PKD1: variants seen among roughly 807,000 people sequenced by gnomAD.
PKD1 encodes the protein polycystin 1, transient receptor potential channel interacting, also known as polycystin-1.
A neutral mutation model predicts 361.7 loss-of-function variants in PKD1; 81 were observed. The observed-to-expected ratio is 0.22, with a 90% confidence interval of 0.19 to 0.27. PKD1 has a LOEUF of 0.27. Ranked by LOEUF, PKD1 falls within the 10% of genes least tolerant of loss-of-function variation. PKD1 has a pLI of 1.00. For synonymous variants in PKD1, 3,615 were observed against 2,818.3 expected (o/e 1.28, Z -8.95); for missense variants, 6,399 against 6,118.3 (o/e 1.05, Z -1.53).
At chr16:2,115,159 G>A (rs1443798722) in intron 10 of PKD1, 3 of 774,158 alleles carry the variant, frequency 3.9e-6, no homozygotes, top group African/African-American at 1.9e-5. Context: ...TGCTGGGAGA[G>A]AGGAAGAGGA....
intron 34 of PKD1, among the ~76,000 whole-genome samples, chr16:2,096,365 G>A (rs2091846379): frequency 6.6e-6 from 1 of 152,250 alleles, no homozygotes; most frequent in African/African-American, 2.4e-5. Flanking sequence ...GCATAGGAGG[G>A]CATGGCAGAG....
At chr16:2,093,337 G>T (rs1000763366) in intron 37 of PKD1, 12 of 673,000 alleles carry the variant, frequency 1.8e-5, no homozygotes, top group Middle Eastern at 4.0e-4. Context: ...AGGCAGGAGT[G>T]GGCATTGGAG....
chr16:2,105,301 G>A (rs755719128), intron 21 of PKD1, 21 bp downstream of exon 21: 6 of 1,593,430 alleles, frequency 3.8e-6, no homozygotes, highest in Admixed American at 3.3e-5. Flanking sequence ...GGGGCAGGGT[G>A]AGCAGGTGGG....
In PKD1 at chr16:2,109,442, T is replaced by A; in HGVS notation, c.5725A>T (p.Ile1909Phe). The change falls in exon 15 of 46, where the codon ATC (isoleucine) becomes TTC (phenylalanine). Residue 1909 changes from isoleucine to phenylalanine, a missense_variant. Ile to Phe is a conservative substitution (Grantham distance 21, BLOSUM62 0). Transcript: ENST00000262304. ...VAPGQLVHFQILLAAGSAVTF... is the reference protein window; with the variant it reads ...VAPGQLVHFQFLLAAGSAVTF... ...ACAGCTGAGCCGGCAGCCAGCAGGA[T>A]CTGAAAATGGACCAGCTGCCCGGGC... The A allele has an allele frequency of 6.2e-7, 1 of 1,606,194 alleles. No homozygotes were observed.
rs1237915340 is a variant in PKD1, at chr16:2,110,555, C to T, written c.4612G>A (p.Ala1538Thr). The change falls in exon 15 of 46, where the codon GCC (alanine) becomes ACC (threonine). Residue 1538 changes from alanine (A) to threonine (T), a missense_variant. Physicochemically the swap from Ala to Thr is moderately conservative, Grantham distance 58. Coordinates refer to ENST00000262304, the MANE Select transcript of PKD1 (RefSeq NM_001009944.3). ...CGCTTCACCGTCACATTGAGCCAGG[C>T]CTCGCTGCGGCTCACCTCATTCCAG... ...AGWNEVSRSEAWLNVTVKRRV... is the reference protein window; with the variant it reads ...AGWNEVSRSETWLNVTVKRRV... 4 of 1,611,418 alleles carry T rather than the reference C, an allele frequency of 2.5e-6. No homozygotes were observed. The highest frequency in any genetic ancestry group is 3.4e-6 in the Non-Finnish European group (4 of 1,179,810).
In PKD1 at chr16:2,091,189, G is replaced by C. The variant is rs1332951546; in HGVS notation, c.11713-15C>G. On this transcript the variant is annotated splice_polypyrimidine_tract_variant and intron_variant, in intron 42 of 45. Coordinates refer to ENST00000262304, the MANE Select transcript of PKD1 (RefSeq NM_001009944.3). The stretch of plus-strand genomic sequence containing the variant: ...AGCAGGCACACCTGTGGGGGGCGCG[G>C]TCAGGAGGGCGGGAGGGACGCTGCC... 25 of 1,388,884 alleles carry C rather than the reference G, an allele frequency of 1.8e-5. No homozygotes were observed. Among genetic ancestry groups the C allele is most frequent in the Admixed American group, 3.3e-5 (1 of 30,522 alleles). The allele number at this position is 1,388,884 out of a possible 1,614,324, so 86.0% of individuals were successfully genotyped here. A position where few individuals can be genotyped will look rare whatever the true frequency, so the allele number is the denominator to read the frequency against.
At chr16:2,105,842 G>A (rs371198056) in intron 20 of PKD1, 23 bp downstream of exon 20, 235 of 1,592,634 alleles carry the variant, frequency 1.5e-4, no homozygotes, top group Middle Eastern at 4.5e-4. Context: ...CAGATGTGAC[G>A]TCCCCTCCCA....
Position 2,112,442 on chromosome 16 carries a change from G to A in PKD1, c.3193C>T (p.His1065Tyr). ...WTFGDGEQAL[H>Y]QFQPPYNESF... ...TCGTTGTACGGAGGCTGGAACTGGT[G>A]GAGGGCCTGCTCCCCATCCCCAAAG... Residue 1065 changes from histidine (H) to tyrosine (Y), a missense_variant, in exon 14 of 46, where the codon CAC becomes TAC. His to Tyr is a moderately conservative substitution (Grantham distance 83). Transcript: ENST00000262304. 2 of 1,586,750 alleles carry A rather than the reference G, an allele frequency of 1.3e-6. No individual in the cohort carries two copies. The highest frequency in any genetic ancestry group is 8.5e-7 in the Non-Finnish European group (1 of 1,174,320).
chr16:2,090,990 A>C lies in PKD1; in HGVS notation c.11897T>G (p.Phe3966Cys), dbSNP rs2091491042. 1.3e-6 allele frequency: 2 copies of C among 1,535,918 alleles called. No homozygotes were observed. Among genetic ancestry groups the C allele is most frequent in the African/African-American group, 1.4e-5 (1 of 73,048 alleles). The stretch of plus-strand genomic sequence containing the variant: ...GAAGCGGCGCGGGCGGCCGCGCACG[A>C]AACGGGTCCACTGGCGGTCAGCGGC... ...LGAADRQWTR[F>C]VRGRPRRFTS... Residue 3966 changes from phenylalanine (F) to cysteine (C), a missense_variant, in exon 43 of 46, where the codon TTC becomes TGC. Coordinates refer to ENST00000262304, the MANE Select transcript of PKD1 (RefSeq NM_001009944.3).
chr16:2,128,550 C>G (rs540027456), intron 1 of PKD1, among the ~76,000 whole-genome samples: 5 of 152,296 alleles, frequency 3.3e-5, no homozygotes, highest in African/African-American at 1.2e-4. Context: ...ATCATCACCA[C>G]GGCTTCTCAA....
In PKD1 at chr16:2,109,637, C is replaced by G. The variant is rs748122121; in HGVS notation, c.5530G>C (p.Gly1844Arg). The stretch of plus-strand genomic sequence containing the variant: ...ACATGAGGGCCACGCTTGCTGCTGC[C>G]GCCGGGCACAGCCCAGCACCAGCTC... ...NVSWCWAVPGGSSKRGPHVTM... is the reference protein window; with the variant it reads ...NVSWCWAVPGRSSKRGPHVTM... The change falls in exon 15 of 46, where the codon GGC becomes CGC. Residue 1844 changes from glycine (G) to arginine (R), a missense_variant. Physicochemically the swap from Gly to Arg is moderately radical, Grantham distance 125. Coordinates refer to ENST00000262304, the MANE Select transcript of PKD1 (RefSeq NM_001009944.3). 3.1e-6 allele frequency: 5 copies of G among 1,600,526 alleles called. No individual in the cohort carries two copies. The African/African-American group carries it at 5.4e-5, about 17-fold the overall frequency.
chr16:2,103,866 C>T lies in PKD1; in HGVS notation c.8191G>A (p.Val2731Met), dbSNP rs138906895. ...GDLIHLASSD[V>M]RAPQPSELGA... is the part of the protein sequence containing the mutation. Reference sequence around the variant, plus strand: ...AGCTCTGAGGGCTGTGGTGCCCGCACGTCCGAGCTGGCCAGGTGGATGAGG... The same window carrying T: ...AGCTCTGAGGGCTGTGGTGCCCGCATGTCCGAGCTGGCCAGGTGGATGAGG... Residue 2731 changes from valine (V) to methionine (M), a missense_variant, in exon 23 of 46, where the codon GTG becomes ATG. By Grantham distance (21) the Val-to-Met change is conservative. Transcript: ENST00000262304. 1.1e-4 allele frequency: 176 copies of T among 1,593,174 alleles called. No homozygotes were observed. Among genetic ancestry groups the T allele is most frequent in the Middle Eastern group, 6.9e-4 (3 of 4,376 alleles).
rs757389315 is a variant in PKD1 at position 2,090,725 on chromosome 16, G to A, written c.12087C>T (p.Val4029=). 4 of 1,612,552 alleles carry A rather than the reference G, an allele frequency of 2.5e-6. No individual in the cohort carries two copies. The highest frequency in any genetic ancestry group is 3.3e-5 in the Admixed American group (2 of 60,018). Residue 4029 remains valine, a synonymous_variant, in exon 44 of 46, where the codon GTC becomes GTT. Transcript: ENST00000262304. ...CCCCGAGCACCACCAGGCCCAAGGTGACCCCCAGGAGCTCTGGCAGAGCTC... is the reference window on the plus strand; with the variant it reads ...CCCCGAGCACCACCAGGCCCAAGGTAACCCCCAGGAGCTCTGGCAGAGCTC... The part of the protein sequence containing the change: ...LCRALPELLG[V]TLGLVVLGVA...
Position 2,088,835 on chromosome 16 carries a change from C to T in PKD1, c.*892G>A. The stretch of plus-strand genomic sequence containing the variant: ...AAGCAGGCACAGCCAGCTCCGAGGG[C>T]CTTGAGGCTGCCTGGGCCATACAGC... On this transcript the variant is annotated 3_prime_UTR_variant, in exon 46 of 46. Coordinates refer to ENST00000262304, the MANE Select transcript of PKD1 (RefSeq NM_001009944.3). 4 of 610,376 alleles carry T rather than the reference C, an allele frequency of 6.6e-6. No individual in the cohort carries two copies. Among genetic ancestry groups the T allele is most frequent in the Non-Finnish European group, 8.5e-6 (3 of 351,696 alleles). The allele number at this position is 610,376 out of a possible 1,614,324, so 37.8% of individuals were successfully genotyped here. A position where few individuals can be genotyped will look rare whatever the true frequency, so the allele number is the denominator to read the frequency against.
rs925499233 is a variant in PKD1 at position 2,115,728 on chromosome 16, G to C, written c.1850-103C>G. 3 of 1,180,452 alleles carry C rather than the reference G, an allele frequency of 2.5e-6. No individual in the cohort carries two copies. The African/African-American group carries it at 4.8e-5, about 19-fold the overall frequency. The allele number at this position is 1,180,452 out of a possible 1,614,324, so 73.1% of individuals were successfully genotyped here. On this transcript the variant is annotated intron_variant, in intron 9 of 45. Transcript: ENST00000262304. ...AATCCTGGCCTTGCTGTGAGGACAG[G>C]TCTCCCCACCTGGGCAGCACTCCCA...
Position 2,106,077 on chromosome 16 carries a change from A to T in PKD1, c.7703+14T>A. 1.2e-6 allele frequency: 2 copies of T among 1,601,300 alleles called. No homozygotes were observed. Among genetic ancestry groups the T allele is most frequent in the Non-Finnish European group, 1.7e-6 (2 of 1,175,416 alleles). The stretch of plus-strand genomic sequence containing the variant: ...GTGGCAGTCTCGGGGGCGCCCTCCC[A>T]CGGCCTGGCTCACCTGTTGAGGGCG... On this transcript the variant is annotated intron_variant, in intron 19 of 45. Coordinates refer to ENST00000262304, the MANE Select transcript of PKD1 (RefSeq NM_001009944.3). This position sits in a 1 kb window ranked among gnomAD's most constrained non-coding sequence, Gnocchi z 6.5.
At chr16:2,105,277 C>G in intron 21 of PKD1, 45 bp downstream of exon 21, 1 of 1,587,922 alleles carries the variant, frequency 6.3e-7, no homozygotes, top group Non-Finnish European at 8.5e-7. Context: ...AACCCAGTGC[C>G]CTGGCAGGCA....
chr16:2,120,441 G>A (rs2092702877), intron 1 of PKD1, among the ~76,000 whole-genome samples: 1 of 152,162 alleles, frequency 6.6e-6, no homozygotes, highest in Non-Finnish European at 1.5e-5. Flanking sequence ...AGAAGAAAAG[G>A]AAACTGGGTG....
At chr16:2,092,698 C>T (rs933721519) in intron 38 of PKD1, 106 bp from the exon 39 acceptor site, 4 of 906,796 alleles carry the variant, frequency 4.4e-6, no homozygotes, top group Non-Finnish European at 7.1e-6. Context: ...CCCTGCTGGC[C>T]ACGGCTAGAC....
Sources: gnomAD v4.1 joint callset for allele counts (sites outside exome capture counted in the v4.1 genomes callset) on GRCh38, gnomAD v4.1.1 for gene constraint, Gnocchi (gnomAD v3.1) non-coding constraint, MANE v1.5 for transcripts, NCBI Gene and HGNC (gene_info 2026-07-23, HGNC 2026-07-21) for gene names.